PRIM2: variants seen among roughly 807,000 people sequenced by gnomAD.
PRIM2 encodes DNA primase large subunit.
In PRIM2, 39 loss-of-function variants were observed where a neutral mutation model predicts 67.3. The ratio of observed to expected loss-of-function variants is 0.58; its 90% confidence interval spans 0.45 to 0.76. The LOEUF (loss-of-function observed/expected upper bound fraction) is 0.76, where lower values mean the gene tolerates loss of function less well. PRIM2 is among the 30% of genes least tolerant of loss of function. PRIM2 has a pLI of 0.00. For synonymous variants in PRIM2, 143 were observed against 198.7 expected (o/e 0.72, Z 2.36); for missense variants, 398 against 598.7 (o/e 0.66, Z 3.50).
intron 7 of PRIM2, among the ~76,000 whole-genome samples, chr6:57,453,595 G>C (rs201818653): frequency 1.3e-5 from 2 of 152,042 alleles, no homozygotes; most frequent in South Asian, 2.1e-4. Context: ...TTTGTCTGTT[G>C]TTGGTGTATA....
At chr6:57,410,394 C>T (rs1271926231) in intron 7 of PRIM2, among the ~76,000 whole-genome samples, 4 of 149,616 alleles carry the variant, frequency 2.7e-5, no homozygotes, top group Middle Eastern at 3.5e-3. Context: ...TCATTGGATT[C>T]CCCATTTTTC....
At chr6:57,277,844 T>C in the PRIM2 span, among the ~76,000 whole-genome samples, 1 of 151,210 alleles carries the variant, frequency 6.6e-6, no homozygotes, top group South Asian at 2.1e-4. Flanking sequence ...ATTAGCCAGG[T>C]GTGGTGGCGG....
chr6:57,333,424 G>A (rs1453874860), intron 5 of PRIM2, among the ~76,000 whole-genome samples: 3 of 152,148 alleles, frequency 2.0e-5, no homozygotes, highest in Admixed American at 6.5e-5. Flanking sequence ...TTCTTTGCAT[G>A]TAACTTTGTG....
chr6:57,264,186 C>T, the PRIM2 span, among the ~76,000 whole-genome samples: 1 of 152,038 alleles, frequency 6.6e-6, no homozygotes, highest in Non-Finnish European at 1.5e-5. Flanking sequence ...TCCTCTTTTA[C>T]ATTTTCAGCA....
chr6:57,237,006 G>A, the PRIM2 span, among the ~76,000 whole-genome samples: 1 of 152,054 alleles, frequency 6.6e-6, no homozygotes, highest in East Asian at 1.9e-4. Flanking sequence ...TTCCACAATG[G>A]TTGAACTAGT....
chr6:57,307,230 AT>A, the PRIM2 span, among the ~76,000 whole-genome samples: 19 of 144,492 alleles, frequency 1.3e-4, no homozygotes, highest in Admixed American at 1.1e-3. Context: ...TAAAAAAAAA[AT>A]AAAAAAATAA....
intron 5 of PRIM2, among the ~76,000 whole-genome samples, chr6:57,342,255 C>A (rs572554020): frequency 6.6e-6 from 1 of 152,180 alleles, no homozygotes; most frequent in Non-Finnish European, 1.5e-5. Flanking sequence ...ATTTTTCATT[C>A]TTTGACCTAT....
At position 57,324,238 on chromosome 6, in the gene PRIM2, A is replaced by G; in HGVS notation, c.296A>G (p.Asp99Gly). 1 of 1,605,818 alleles carries G rather than the reference A, an allele frequency of 6.2e-7. No individual in the cohort carries two copies. Among genetic ancestry groups the G allele is most frequent in the East Asian group, 2.2e-5 (1 of 44,816 alleles). The part of the protein sequence containing the change: ...LEDEYEPRRR[D>G]HISHFILRLA... ...GATGAATATGAACCACGAAGAAGAGATCATATTTCTCATTTTATTTTGCGG... is the reference window on the plus strand; with the variant it reads ...GATGAATATGAACCACGAAGAAGAGGTCATATTTCTCATTTTATTTTGCGG... Residue 99 changes from aspartate to glycine, a missense_variant, in exon 4 of 14, where the codon GAT (aspartate) becomes GGT (glycine). Coordinates refer to ENST00000615550, the MANE Select transcript of PRIM2 (RefSeq NM_000947.5).
chr6:57,563,712 G>A (rs1469025025), intron 10 of PRIM2, among the ~76,000 whole-genome samples: 4 of 152,130 alleles, frequency 2.6e-5, no homozygotes, highest in African/African-American at 9.7e-5. Context: ...TGCGATCTTC[G>A]CTCACTGCAA....
intron 5 of PRIM2, among the ~76,000 whole-genome samples, chr6:57,377,177 C>T (rs74910403): frequency 8.6e-5 from 13 of 152,000 alleles, no homozygotes; most frequent in East Asian, 1.9e-4. Flanking sequence ...TGTGAGTCAC[C>T]GCACCCTGCC....
At chr6:57,267,995 T>G in the PRIM2 span, among the ~76,000 whole-genome samples, 2 of 152,118 alleles carry the variant, frequency 1.3e-5, no homozygotes, top group African/African-American at 4.8e-5. Context: ...AACAGAAACA[T>G]AATCCTTTTA....
At chr6:57,282,384 G>C in the PRIM2 span, among the ~76,000 whole-genome samples, 1 of 152,056 alleles carries the variant, frequency 6.6e-6, no homozygotes, top group Admixed American at 6.6e-5. Flanking sequence ...CTTTTAGTAC[G>C]TAAATTCTGT....
intron 5 of PRIM2, among the ~76,000 whole-genome samples, chr6:57,326,995 CT>C (rs1028723594): frequency 6.8e-6 from 1 of 148,144 alleles, no homozygotes; most frequent in African/African-American, 2.5e-5. Context: ...CCTCCACCTT[CT>C]GGGTTCAAGC....
the PRIM2 span, among the ~76,000 whole-genome samples, chr6:57,231,883 C>A: frequency 6.6e-6 from 1 of 150,948 alleles, no homozygotes; most frequent in Admixed American, 6.6e-5. Flanking sequence ...GTACAATGAA[C>A]TTAATTATCC....
intron 7 of PRIM2, among the ~76,000 whole-genome samples, chr6:57,394,795 G>T (rs1317251300): frequency 2.0e-5 from 3 of 152,068 alleles, no homozygotes; most frequent in East Asian, 3.8e-4. Context: ...GTTGGCTGTG[G>T]GTTTGTCATA....
At chr6:57,616,815 C>G (rs1445518500) in intron 12 of PRIM2, among the ~76,000 whole-genome samples, 4 of 152,202 alleles carry the variant, frequency 2.6e-5, no homozygotes, top group African/African-American at 9.7e-5. Context: ...CCTCCTGCCG[C>G]CCCTAGAAAC....
chr6:57,452,517 C>T (rs1772591069), intron 7 of PRIM2, among the ~76,000 whole-genome samples: 2 of 152,224 alleles, frequency 1.3e-5, no homozygotes, highest in South Asian at 4.1e-4. Context: ...TTTTGATTTG[C>T]ATTTCTCTGA....
intron 7 of PRIM2, among the ~76,000 whole-genome samples, chr6:57,406,594 AAAAAT>A: frequency 6.6e-6 from 1 of 152,252 alleles, no homozygotes; most frequent in Admixed American, 6.5e-5. Flanking sequence ...AGTTCAAATA[AAAAAT>A]AAAAACAAAA....
chr6:57,508,227 G>A (rs1581960129), intron 8 of PRIM2, among the ~76,000 whole-genome samples: 1 of 152,110 alleles, frequency 6.6e-6, no homozygotes, highest in Non-Finnish European at 1.5e-5. Flanking sequence ...ATAAGCCACC[G>A]CACCCTGCCC....
Sources: allele counts gnomAD v4.1 joint callset (sites outside exome capture counted in the v4.1 genomes callset), GRCh38; gene constraint gnomAD v4.1.1; transcripts MANE v1.5; gene names NCBI Gene and HGNC (gene_info 2026-07-23, HGNC 2026-07-21).